The following WDR17 variants were observed in gnomAD, a reference collection of about 807,000 sequenced individuals.
WDR17 encodes the protein WD repeat domain 17.
A neutral mutation model predicts 161.7 loss-of-function variants in WDR17; 143 were observed. The observed-to-expected ratio is 0.88, with a 90% CI of 0.77 to 1.02. The LOEUF is 1.02. WDR17 is among the 50% of genes least tolerant of loss of function. The pLI is 0.00. For missense variants in WDR17, 1,469 were observed against 1,520.9 expected (o/e 0.97, Z 0.57); for synonymous variants, 517 against 515.6 (o/e 1.00, Z -0.04).
In WDR17 at chr4:176,120,756, G is replaced by A. The variant is rs556681267; in HGVS notation, c.538+659G>A. 1.6e-3 allele frequency among the ~76,000 whole-genome samples: 237 copies of A among 151,572 alleles called. 1 individual carries two copies. Among genetic ancestry groups the A allele is most frequent in the African/African-American group, 4.7e-3 (193 of 41,292 alleles). On this transcript the variant is annotated intron_variant, in intron 4 of 28. Coordinates refer to ENST00000508596, the MANE Select transcript of WDR17 (RefSeq NM_181265.4). ...TTAGCTATCTAGTATCTCTGTTGAT[G>A]TATGTGACTTCTGGCTGGCTAGATG...
At chr4:176,157,796 A>G (rs1477159189) in intron 18 of WDR17, among the ~76,000 whole-genome samples, 3 of 152,198 alleles carry the variant, frequency 2.0e-5, no homozygotes, top group Admixed American at 6.5e-5. Context: ...TATGTTAGGT[A>G]TCTGTGAGTT....
At chr4:176,121,515 G>A (rs1304478905) in intron 4 of WDR17, among the ~76,000 whole-genome samples, 1 of 152,016 alleles carries the variant, frequency 6.6e-6, no homozygotes, top group African/African-American at 2.4e-5. Context: ...ATTTCATCAG[G>A]ATTGTGACAC....
chr4:176,146,497 A>G (rs541498873), intron 12 of WDR17, among the ~76,000 whole-genome samples: 2 of 152,340 alleles, frequency 1.3e-5, no homozygotes, highest in South Asian at 4.1e-4. Flanking sequence ...AATGGTAGGG[A>G]AATCAGTTAT....
intron 17 of WDR17, among the ~76,000 whole-genome samples, chr4:176,154,712 G>T (rs74483578): frequency 5.9e-5 from 9 of 152,010 alleles, no homozygotes; most frequent in African/African-American, 2.2e-4. Flanking sequence ...TTTTAAATAC[G>T]TAGTATTAAA....
intron 2 of WDR17, among the ~76,000 whole-genome samples, chr4:176,114,413 A>G (rs1384088465): frequency 6.6e-6 from 1 of 152,120 alleles, no homozygotes; most frequent in Non-Finnish European, 1.5e-5. Flanking sequence ...GCCTTAGGAA[A>G]TACTTATGTG....
chr4:176,114,389 T>C (rs1740259457), intron 2 of WDR17, among the ~76,000 whole-genome samples: 1 of 152,062 alleles, frequency 6.6e-6, no homozygotes, highest in African/African-American at 2.4e-5. Context: ...GAGAGAGAAA[T>C]TATAGAAGAA....
intron 1 of WDR17, among the ~76,000 whole-genome samples, chr4:176,081,306 C>A (rs978668809): frequency 6.6e-6 from 1 of 152,116 alleles, no homozygotes; most frequent in Non-Finnish European, 1.5e-5. Flanking sequence ...ACATGACTTT[C>A]CATCATTCTG....
At chr4:176,099,275 G>A (rs1737410253) in intron 1 of WDR17, among the ~76,000 whole-genome samples, 1 of 152,144 alleles carries the variant, frequency 6.6e-6, no homozygotes, top group Non-Finnish European at 1.5e-5. Context: ...TGCAGTTACA[G>A]AGAATTGCAA....
At chr4:176,166,226 A>G (rs547456785) in intron 22 of WDR17, 343 of 403,130 alleles carry the variant, frequency 8.5e-4, no homozygotes, top group Non-Finnish European at 1.2e-3. Flanking sequence ...CTATCTCTGT[A>G]TTAAGAAATA....
At chr4:176,123,621 G>T (rs1741949096) in intron 4 of WDR17, among the ~76,000 whole-genome samples, 1 of 152,194 alleles carries the variant, frequency 6.6e-6, no homozygotes, top group South Asian at 2.1e-4. Flanking sequence ...CAAATGAAAA[G>T]ATGAAAAGGG....
At chr4:176,149,057 T>C (rs575569187) in intron 13 of WDR17, among the ~76,000 whole-genome samples, 57 of 152,292 alleles carry the variant, frequency 3.7e-4, no homozygotes, top group Admixed American at 6.5e-4. Flanking sequence ...TCATATTTGT[T>C]GATATTCGAA....
chr4:176,084,345 G>C (rs1735149410), intron 1 of WDR17, among the ~76,000 whole-genome samples: 1 of 152,090 alleles, frequency 6.6e-6, no homozygotes, highest in African/African-American at 2.4e-5. Flanking sequence ...GCAAGGAGCT[G>C]GGGGTGCCAG....
chr4:176,119,612 A>G (rs1272555063), intron 3 of WDR17, among the ~76,000 whole-genome samples: 2 of 152,192 alleles, frequency 1.3e-5, no homozygotes, highest in African/African-American at 2.4e-5. Context: ...CTATAAATGT[A>G]TTTGACTATA....
chr4:176,154,672 A>G (rs571708729), intron 17 of WDR17, among the ~76,000 whole-genome samples: 36 of 152,348 alleles, frequency 2.4e-4, no homozygotes, highest in African/African-American at 7.7e-4. Context: ...CCCTGAAAAC[A>G]TATTTTAAGA....
chr4:176,159,878 G>A (rs1028474361), intron 18 of WDR17, 116 bp from the exon 19 acceptor site: 23 of 1,011,340 alleles, frequency 2.3e-5, no homozygotes, highest in Admixed American at 2.9e-5. Flanking sequence ...AAAGTGGTAT[G>A]CCAAAGGGCT....
intron 1 of WDR17, among the ~76,000 whole-genome samples, chr4:176,096,242 G>T (rs896778511): frequency 7.2e-5 from 11 of 151,982 alleles, no homozygotes. Context: ...TGTTTTTTAA[G>T]AATGTAAACA....
chr4:176,138,777 A>C (rs6848054), intron 9 of WDR17, among the ~76,000 whole-genome samples: 38,617 of 151,726 alleles, frequency 0.25, 5,087 homozygotes, highest in African/African-American at 0.3. Context: ...GTGGAAACCC[A>C]GCATTTTAGT....
At chr4:176,092,442 A>G (rs1352800421) in intron 1 of WDR17, among the ~76,000 whole-genome samples, 2 of 152,144 alleles carry the variant, frequency 1.3e-5, no homozygotes, top group African/African-American at 2.4e-5. Context: ...GGAACATAAC[A>G]CGACACAATA....
At chr4:176,113,633 ATAT>A (rs1740135525) in intron 2 of WDR17, among the ~76,000 whole-genome samples, 1 of 152,034 alleles carries the variant, frequency 6.6e-6, no homozygotes, top group South Asian at 2.1e-4. Context: ...AGTGTTTTAA[ATAT>A]TATCATCTCA....
Sources: allele counts gnomAD v4.1 joint callset (sites outside exome capture counted in the v4.1 genomes callset), GRCh38; gene constraint gnomAD v4.1.1; transcripts MANE v1.5; gene names NCBI Gene and HGNC (gene_info 2026-07-23, HGNC 2026-07-21).